GSE1: variants seen among roughly 807,000 people sequenced by gnomAD.
GSE1 encodes Gse1 coiled-coil protein, also known as genetic suppressor element 1.
A neutral mutation model predicts 112.6 loss-of-function variants in GSE1; 32 were observed. The observed-to-expected ratio is 0.28, with a 90% CI of 0.21 to 0.38. The LOEUF (loss-of-function observed/expected upper bound fraction) is 0.38. GSE1 is among the 10% of genes least tolerant of loss of function. The pLI, the probability that GSE1 is intolerant of heterozygous loss-of-function variation, is 1.00. For synonymous variants in GSE1, 1,115 were observed against 735.6 expected (o/e 1.52, Z -8.35); for missense variants, 2,348 against 1,699.2 (o/e 1.38, Z -6.71).
chr16:85,562,949 G>A (rs2045588238), intron 1 of GSE1, among the ~76,000 whole-genome samples: 1 of 152,250 alleles, frequency 6.6e-6, no homozygotes, highest in South Asian at 2.1e-4. Flanking sequence ...AAAATCATTA[G>A]ACTGTTGTGG....
chr16:85,521,039 C>T (rs530836662), intron 2 of GSE1, among the ~76,000 whole-genome samples: 8 of 152,128 alleles, frequency 5.3e-5, no homozygotes, highest in South Asian at 4.1e-4. Flanking sequence ...GGGAGCCCAA[C>T]GAGCCGGTTT....
intron 2 of GSE1, among the ~76,000 whole-genome samples, chr16:85,413,865 G>A (rs1379748503): frequency 2.0e-5 from 3 of 152,264 alleles, no homozygotes; most frequent in African/African-American, 7.2e-5. Context: ...TCCTTGTACT[G>A]TTCTCGTGAT....
At chr16:85,572,032 C>T (rs902311736) in intron 1 of GSE1, among the ~76,000 whole-genome samples, 11 of 151,946 alleles carry the variant, frequency 7.2e-5, no homozygotes, top group African/African-American at 2.4e-4. Context: ...ACATAGCACA[C>T]ACACACACGT....
chr16:85,510,450 C>T (rs983707511), intron 2 of GSE1, among the ~76,000 whole-genome samples: 1 of 62,028 alleles, frequency 1.6e-5, no homozygotes, highest in Non-Finnish European at 3.0e-5. Flanking sequence ...GTGTGTGTGT[C>T]GGTGTGGCCT....
At chr16:85,520,193 C>T (rs759333830) in intron 2 of GSE1, among the ~76,000 whole-genome samples, 6 of 152,138 alleles carry the variant, frequency 3.9e-5, no homozygotes, top group Non-Finnish European at 7.4e-5. Context: ...GGTGCCCTCT[C>T]GCTGTATCCT....
intron 1 of GSE1, among the ~76,000 whole-genome samples, chr16:85,186,462 G>T (rs1021692638): frequency 1.3e-5 from 2 of 152,134 alleles, no homozygotes; most frequent in African/African-American, 2.4e-5. Flanking sequence ...AATTAACTGG[G>T]TGTGGTGGCG....
At chr16:85,474,725 C>A (rs537767153) in intron 2 of GSE1, among the ~76,000 whole-genome samples, 4 of 151,368 alleles carry the variant, frequency 2.6e-5, no homozygotes, top group African/African-American at 9.7e-5. Flanking sequence ...CTCCCCACTC[C>A]CACCTTCTCC....
In GSE1 at chr16:85,550,578, G is replaced by A. The variant is rs192122206; in HGVS notation, c.2465-83336G>A. 4.5e-3 allele frequency among the ~76,000 whole-genome samples: 681 copies of A among 152,234 alleles called. 2 individuals carry two copies. The highest frequency in any genetic ancestry group is 7.1e-3 in the Non-Finnish European group (484 of 68,002). ...GGGGAGCAGTGCCTCTCTCCAGAGG[G>A]GGGGGTTGTGGCCTGGTCCTGGGGG... On this transcript the variant is annotated intron_variant, in intron 2 of 2. Coordinates refer to the GSE1 transcript ENST00000637419.
In GSE1 at chr16:85,363,219, T is replaced by C. The variant is rs375349849; in HGVS notation, c.2464+5576T>C. Among the ~76,000 whole-genome samples the C allele has an allele frequency of 3.3e-5, 5 of 152,356 alleles. No homozygotes were observed. The East Asian group carries it at 5.8e-4, about 18-fold the overall frequency. ...GGGGTTGCAGAAAACCAGGCCAAGA[T>C]TGACTCTCTGCTTATGGCCATGTTC... On this transcript the variant is annotated intron_variant, in intron 2 of 2. Coordinates refer to the GSE1 transcript ENST00000637419.
At chr16:85,530,902 C>T (rs1295163750) in intron 2 of GSE1, among the ~76,000 whole-genome samples, 1 of 152,348 alleles carries the variant, frequency 6.6e-6, no homozygotes, top group East Asian at 1.9e-4. Flanking sequence ...TGAGGCGTAG[C>T]CCCCTTGGCC....
At chr16:85,430,309 G>A (rs764919848) in intron 2 of GSE1, among the ~76,000 whole-genome samples, 2 of 152,170 alleles carry the variant, frequency 1.3e-5, no homozygotes, top group African/African-American at 2.4e-5. Context: ...AGGAAGAACC[G>A]AGATCAGCCA....
At chr16:85,590,375 G>T (rs1190485151) in intron 1 of GSE1, among the ~76,000 whole-genome samples, 1 of 151,262 alleles carries the variant, frequency 6.6e-6, no homozygotes, top group Non-Finnish European at 1.5e-5. Context: ...GTGTGAGTGT[G>T]TGAGATTGTG....
chr16:85,281,984 C>T (rs566100579), intron 1 of GSE1, among the ~76,000 whole-genome samples: 12 of 151,890 alleles, frequency 7.9e-5, no homozygotes, highest in Admixed American at 5.2e-4. Flanking sequence ...CAGATGGTGC[C>T]GGGTGCCACA....
chr16:85,637,175 C>T (rs1467299952), intron 2 of GSE1, among the ~76,000 whole-genome samples: 6 of 152,188 alleles, frequency 3.9e-5, no homozygotes, highest in Admixed American at 6.5e-5. Context: ...CCGTCAGCTC[C>T]CACGCCCTCC....
chr16:85,248,542 G>C (rs985141021), intron 1 of GSE1, among the ~76,000 whole-genome samples: 1 of 150,746 alleles, frequency 6.6e-6, no homozygotes, highest in South Asian at 2.1e-4. Context: ...CTCTCTCTCT[G>C]AGCAGCTGTT....
intron 1 of GSE1, among the ~76,000 whole-genome samples, chr16:85,556,556 C>T (rs1180435226): frequency 6.6e-6 from 1 of 151,462 alleles, no homozygotes; most frequent in South Asian, 2.1e-4. Context: ...CTACGTGCGG[C>T]GGGGAGCGCC....
chr16:85,516,373 T>C (rs1424363847), intron 2 of GSE1, among the ~76,000 whole-genome samples: 2 of 135,360 alleles, frequency 1.5e-5, no homozygotes, highest in African/African-American at 2.8e-5. Context: ...GAGTGTGGTG[T>C]GGCCCGGGGT....
At chr16:85,670,781 T>G (rs946239283) in intron 14 of GSE1, 4 of 371,016 alleles carry the variant, frequency 1.1e-5, no homozygotes, top group Non-Finnish European at 1.9e-5. Flanking sequence ...CCTTTGTCTT[T>G]ATTCCTGTGT....
At chr16:85,422,739 G>A (rs1259971314) in intron 2 of GSE1, among the ~76,000 whole-genome samples, 5 of 152,112 alleles carry the variant, frequency 3.3e-5, no homozygotes, top group Non-Finnish European at 7.4e-5. Context: ...GACTTGGGAG[G>A]CCGGAGCCAG....
Sources: gnomAD v4.1 joint callset for allele counts (sites outside exome capture counted in the v4.1 genomes callset) on GRCh38, gnomAD v4.1.1 for gene constraint, MANE v1.5 for transcripts, NCBI Gene and HGNC (gene_info 2026-07-23, HGNC 2026-07-21) for gene names.